Variants in CAPZB observed in about 807,000 individuals in gnomAD.
The protein encoded by CAPZB is capping actin protein of muscle Z-line subunit beta.
CAPZB carries 2 observed loss-of-function variants against 38.1 expected under a neutral mutation model. The ratio of observed to expected loss-of-function variants is 0.05; its 90% CI spans 0.02 to 0.17. The LOEUF (loss-of-function observed/expected upper bound fraction) is 0.17. CAPZB is among the 10% of genes least tolerant of loss of function. The pLI is 1.00. For synonymous variants in CAPZB, 107 were observed against 127.4 expected (o/e 0.84, Z 1.08); for missense variants, 161 against 334.2 (o/e 0.48, Z 4.04).
chr1:19,433,092 G>T (rs1193620122), intron 1 of CAPZB, among the ~76,000 whole-genome samples: 1 of 152,208 alleles, frequency 6.6e-6, no homozygotes, highest in African/African-American at 2.4e-5. Flanking sequence ...ATCACCTTGT[G>T]TCTGATCATT....
At chr1:19,450,479 C>A (rs1419724551) in intron 1 of CAPZB, among the ~76,000 whole-genome samples, 2 of 152,154 alleles carry the variant, frequency 1.3e-5, no homozygotes, top group Non-Finnish European at 2.9e-5. Flanking sequence ...AAGAGTGTGT[C>A]AGGCACTGTT....
At chr1:19,461,347 C>T (rs775664815) in intron 1 of CAPZB, among the ~76,000 whole-genome samples, 11 of 152,308 alleles carry the variant, frequency 7.2e-5, no homozygotes, top group Middle Eastern at 6.8e-3. Context: ...GACAACTGAA[C>T]GTTGTAGGAC....
chr1:19,420,278 A>G (rs1209999003), intron 1 of CAPZB: 1 of 152,838 alleles, frequency 6.5e-6, no homozygotes, highest in Non-Finnish European at 1.5e-5. Flanking sequence ...AACTTAGGAC[A>G]CTAAGACCTG....
intron 1 of CAPZB, among the ~76,000 whole-genome samples, chr1:19,451,878 G>C (rs1209040260): frequency 6.6e-6 from 1 of 151,648 alleles, no homozygotes; most frequent in East Asian, 1.9e-4. Context: ...CATTTACTGA[G>C]CATTTATTAT....
rs138454491 is a variant in CAPZB at position 19,340,425 on chromosome 1, C to T, written c.732-808G>A. Reference sequence around the variant, plus strand: ...GACCGCATTCACGTATGTGTGGGGACGCTCATCAACAAAGCCAGAAACAAT... The same window carrying T: ...GACCGCATTCACGTATGTGTGGGGATGCTCATCAACAAAGCCAGAAACAAT... On this transcript the variant is annotated intron_variant, in intron 8 of 8. Coordinates refer to ENST00000264202, the MANE Select transcript of CAPZB (RefSeq NM_004930.5). Among the ~76,000 whole-genome samples, 33 of 152,340 alleles carry T rather than the reference C, an allele frequency of 2.2e-4. No individual in the cohort carries two copies. In the East Asian group the frequency reaches 6.2e-3, roughly 28 times the overall value.
At chr1:19,418,656 C>T (rs750669820) in intron 2 of CAPZB, among the ~76,000 whole-genome samples, 1 of 152,208 alleles carries the variant, frequency 6.6e-6, no homozygotes, top group Non-Finnish European at 1.5e-5. Flanking sequence ...TGGGAGTTTG[C>T]ATCCCTATAA....
At chr1:19,344,295 T>C in intron 8 of CAPZB, 63 bp downstream of exon 8, 2 of 1,344,740 alleles carry the variant, frequency 1.5e-6, no homozygotes, top group South Asian at 2.3e-5. Flanking sequence ...AGCTAGTAAC[T>C]GGCAGAGCCA....
At chr1:19,379,489 A>C (rs1367951103) in intron 3 of CAPZB, among the ~76,000 whole-genome samples, 1 of 152,234 alleles carries the variant, frequency 6.6e-6, no homozygotes, top group African/African-American at 2.4e-5. Flanking sequence ...CTTCTTACAT[A>C]GTAAGCGTTA....
At chr1:19,341,897 T>TG (rs1377641828) in intron 8 of CAPZB, among the ~76,000 whole-genome samples, 1 of 152,172 alleles carries the variant, frequency 6.6e-6, no homozygotes, top group Non-Finnish European at 1.5e-5. Context: ...GCACCCCTTC[T>TG]GGGGTGGGCC....
chr1:19,387,399 C>T (rs2094209892), intron 2 of CAPZB, among the ~76,000 whole-genome samples: 2 of 152,214 alleles, frequency 1.3e-5, no homozygotes, highest in South Asian at 2.1e-4. Flanking sequence ...GGAAGGAAGT[C>T]CTGGCTGAGG....
intron 4 of CAPZB, among the ~76,000 whole-genome samples, chr1:19,375,874 A>G (rs1432374045): frequency 6.6e-6 from 1 of 152,188 alleles, no homozygotes; most frequent in Non-Finnish European, 1.5e-5. Flanking sequence ...TAGTCACTGT[A>G]AGGATTCAGT....
chr1:19,460,294 T>C (rs1202816306), intron 1 of CAPZB, among the ~76,000 whole-genome samples: 3 of 152,256 alleles, frequency 2.0e-5, no homozygotes, highest in Non-Finnish European at 4.4e-5. Context: ...TGTTTTTTTA[T>C]GAGACGGAGT....
intron 1 of CAPZB, chr1:19,448,938 C>T (rs747283455): frequency 1.9e-6 from 3 of 1,612,586 alleles, no homozygotes; most frequent in African/African-American, 1.3e-5. Flanking sequence ...GGGTTAATAA[C>T]AATCGTTTTG....
At chr1:19,474,081 T>C (rs2094598873) in intron 1 of CAPZB, among the ~76,000 whole-genome samples, 1 of 151,954 alleles carries the variant, frequency 6.6e-6, no homozygotes, top group South Asian at 2.1e-4. Flanking sequence ...CTGCAACTTC[T>C]ACCTCCCAGG....
chr1:19,374,646 C>A (rs2100403664), intron 4 of CAPZB, among the ~76,000 whole-genome samples: 1 of 152,344 alleles, frequency 6.6e-6, no homozygotes, highest in East Asian at 1.9e-4. Context: ...CTCCCCTTTT[C>A]TCCTGGCAGG....
At chr1:19,416,825 C>T (rs1404195112) in intron 2 of CAPZB, among the ~76,000 whole-genome samples, 1 of 133,710 alleles carries the variant, frequency 7.5e-6, no homozygotes, top group Non-Finnish European at 1.5e-5. Context: ...TGCACCACTA[C>T]ACTCTAGCCT....
At chr1:19,383,898 C>T (rs1303325693) in intron 3 of CAPZB, among the ~76,000 whole-genome samples, 2 of 152,284 alleles carry the variant, frequency 1.3e-5, no homozygotes. Context: ...CCCCACCTAC[C>T]TGCAGAGGCC....
At chr1:19,467,676 G>A (rs1043816602) in intron 1 of CAPZB, among the ~76,000 whole-genome samples, 2 of 152,152 alleles carry the variant, frequency 1.3e-5, no homozygotes, top group Non-Finnish European at 2.9e-5. Flanking sequence ...GAGTGATTCA[G>A]GTGTCCCCAT....
At chr1:19,396,923 A>G (rs1359818507) in intron 2 of CAPZB, among the ~76,000 whole-genome samples, 2 of 152,076 alleles carry the variant, frequency 1.3e-5, no homozygotes, top group Non-Finnish European at 2.9e-5. Flanking sequence ...ACTACACTCC[A>G]GCCTGGGTGA....
Sources: gnomAD v4.1 joint callset for allele counts (sites outside exome capture counted in the v4.1 genomes callset) on GRCh38, gnomAD v4.1.1 for gene constraint, MANE v1.5 for transcripts, NCBI Gene and HGNC (gene_info 2026-07-23, HGNC 2026-07-21) for gene names.